The following LRRC34 variants were observed in gnomAD, a reference collection of about 807,000 sequenced individuals.
LRRC34 encodes the protein leucine-rich repeat-containing protein 34.
LRRC34 carries 44 observed loss-of-function variants against 48.5 expected under a neutral mutation model. That is an observed-to-expected ratio of 0.91 (90% CI 0.71 to 1.17). The LOEUF (loss-of-function observed/expected upper bound fraction) is 1.17. Ranked by LOEUF, LRRC34 falls within the 50% of genes most tolerant of loss-of-function variation. LRRC34 has a pLI of 0.00. For missense variants in LRRC34, 502 were observed against 563.0 expected, an observed-to-expected ratio of 0.89 and a Z score of 1.10; for synonymous variants, 192 against 197.6, an observed-to-expected ratio of 0.97 and a Z score of 0.24.
rs1778872951 is a variant in LRRC34, at chr3:169,793,602, CAA to C, written c.*31_*32del. The C allele has an allele frequency of 6.2e-6, 9 of 1,452,400 alleles. No homozygotes were observed. Among genetic ancestry groups the C allele is most frequent in the East Asian group, 4.5e-5 (2 of 44,008 alleles). 90.0% of individuals were successfully genotyped at this position (1,452,400 alleles called of 1,614,324 possible). A position where few individuals can be genotyped will look rare whatever the true frequency, so the allele number is the denominator to read the frequency against. On this transcript the variant is annotated 3_prime_UTR_variant, in exon 11 of 11. Coordinates refer to ENST00000446859, the MANE Select transcript of LRRC34 (RefSeq NM_001172779.2). ...TATTAATCTCTGTGAAACAATAAGA[CAA>C]GTGTATGAAAATTATTTTACAGCTA...
chr3:169,805,102 A>G (rs773193037), intron 5 of LRRC34, among the ~76,000 whole-genome samples: 21 of 152,216 alleles, frequency 1.4e-4, no homozygotes, highest in Non-Finnish European at 3.1e-4. Context: ...CAGGAAGAAG[A>G]AAAGGATGTC....
chr3:169,808,560 G>T, intron 2 of LRRC34, 68 bp downstream of exon 2: 1 of 867,188 alleles, frequency 1.2e-6, no homozygotes, highest in Non-Finnish European at 1.8e-6. Flanking sequence ...CACTCAATAT[G>T]TTAGGATTTT....
intron 5 of LRRC34, 140 bp from the exon 6 acceptor site, chr3:169,804,321 A>G: frequency 1.6e-6 from 1 of 644,062 alleles, no homozygotes; most frequent in South Asian, 3.3e-5. Flanking sequence ...TTTGAGACAG[A>G]GTCTCGCTCT....
In LRRC34 at chr3:169,812,207, CAAAGGGCGACCGGG is replaced by C. The variant is rs1779609883; in HGVS notation, c.139+189_139+202del. Among the ~76,000 whole-genome samples the C allele has an allele frequency of 6.6e-6, 1 of 151,528 alleles. No individual in the cohort carries two copies. Among genetic ancestry groups the C allele is most frequent in the Admixed American group, 6.6e-5 (1 of 15,222 alleles). On this transcript the variant is annotated intron_variant, in intron 1 of 10. Transcript: ENST00000446859. The surrounding 1 kb of genome is among the most constrained non-coding windows in gnomAD (Gnocchi z 4.3). The stretch of plus-strand genomic sequence containing the variant: ...TGGACTCCTCTCCTGCCCCCGGTCG[CAAAGGGCGACCGGG>C]GACTCTTCTCCTGCCCTCGTTTCTG...
intron 10 of LRRC34, 46 bp downstream of exon 10, chr3:169,795,439 T>A (rs1262355633): frequency 6.4e-7 from 1 of 1,560,006 alleles, no homozygotes; most frequent in Non-Finnish European, 8.7e-7. Flanking sequence ...GTTACAGAGA[T>A]GATCCCAGAA....
At chr3:169,807,803 T>A (rs1334471738) in intron 2 of LRRC34, 94 bp from the exon 3 acceptor site, 1 of 1,317,966 alleles carries the variant, frequency 7.6e-7, no homozygotes, top group African/African-American at 1.5e-5. Flanking sequence ...GTATAAATAG[T>A]CATATCACAG....
intron 7 of LRRC34, among the ~76,000 whole-genome samples, chr3:169,798,441 A>G (rs1260808163): frequency 1.3e-5 from 2 of 152,214 alleles, no homozygotes; most frequent in Non-Finnish European, 2.9e-5. Flanking sequence ...CCACGGTAAT[A>G]AAACAGTAAA....
intron 5 of LRRC34, among the ~76,000 whole-genome samples, chr3:169,806,359 T>C (rs1011820491): frequency 1.3e-5 from 2 of 152,150 alleles, no homozygotes; most frequent in Non-Finnish European, 2.9e-5. Context: ...AAGATGAACC[T>C]TGAAAACATT....
chr3:169,797,439 A>C (rs117229089), intron 7 of LRRC34, among the ~76,000 whole-genome samples: 2 of 152,246 alleles, frequency 1.3e-5, no homozygotes, highest in East Asian at 3.9e-4. Context: ...AAGAGGTTTT[A>C]TTCTTATTTT....
intron 10 of LRRC34, 177 bp from the exon 11 acceptor site, chr3:169,794,015 TTTAA>T (rs1163579341): frequency 1.9e-6 from 1 of 517,420 alleles, no homozygotes; most frequent in Admixed American, 3.7e-5. Context: ...TTTTTATTCA[TTTAA>T]TTACACAGAA....
In LRRC34 at chr3:169,796,500, A is replaced by G. The variant is rs555556409; in HGVS notation, c.909-131T>C. ...TTATTTTAACCACTTGATTTCCAAG[A>G]AAGTTAATGAAAATTCACCATAAAA... On this transcript the variant is annotated intron_variant, in intron 8 of 10. Transcript: ENST00000446859. The G allele has an allele frequency of 1.2e-3, 1,376 of 1,107,512 alleles. 1 individual carries two copies. The highest frequency in any genetic ancestry group is 1.6e-3 in the Non-Finnish European group (1,287 of 798,750). The allele number at this position is 1,107,512 out of a possible 1,614,324, so 68.6% of individuals were successfully genotyped here. A position where few individuals can be genotyped will look rare whatever the true frequency, so the allele number is the denominator to read the frequency against.
chr3:169,800,572 G>T, intron 7 of LRRC34, 87 bp downstream of exon 7: 1 of 696,004 alleles, frequency 1.4e-6, no homozygotes, highest in Non-Finnish European at 2.3e-6. Flanking sequence ...AAAATACAGT[G>T]TATTCATGTA....
intron 9 of LRRC34, 187 bp from the exon 10 acceptor site, chr3:169,795,798 C>A: frequency 7.9e-7 from 1 of 1,266,622 alleles, no homozygotes; most frequent in Admixed American, 3.8e-5. Context: ...CTTAGTAGAG[C>A]TAACTACATT....
Position 169,793,599 on chromosome 3 carries a change from A to C in LRRC34, c.*36T>G. ...GAATATTAATCTCTGTGAAACAATA[A>C]GACAAGTGTATGAAAATTATTTTAC... On this transcript the variant is annotated 3_prime_UTR_variant, in exon 11 of 11. Coordinates refer to ENST00000446859, the MANE Select transcript of LRRC34 (RefSeq NM_001172779.2). 7.0e-7 allele frequency: 1 copy of C among 1,434,388 alleles called. No homozygotes were observed. The highest frequency in any genetic ancestry group is 9.8e-7 in the Non-Finnish European group (1 of 1,025,634). 88.9% of individuals were successfully genotyped at this position (1,434,388 alleles called of 1,614,324 possible). A position where few individuals can be genotyped will look rare whatever the true frequency, so the allele number is the denominator to read the frequency against.
At chr3:169,803,074 C>A (rs1167523791) in intron 6 of LRRC34, among the ~76,000 whole-genome samples, 1 of 152,140 alleles carries the variant, frequency 6.6e-6, no homozygotes, top group Non-Finnish European at 1.5e-5. Flanking sequence ...TGAGGCTATA[C>A]AACAGGTTCC....
Position 169,804,148 on chromosome 3 carries a change from C to T in LRRC34, c.562G>A (p.Gly188Arg). Residue 188 changes from glycine (G) to arginine (R), a missense_variant, in exon 6 of 11, where the codon GGA becomes AGA. Gly to Arg is a moderately radical substitution (Grantham distance 125, BLOSUM62 -2). Transcript: ENST00000446859. The stretch of plus-strand genomic sequence containing the variant: ...CCACCTTTATTTTCAATTTTGTTTC[C>T]AGTCATTCTTAGGTATTTCAGAGTC... ...NRTLKYLRMT[G>R]NKIENKGGMF... 6.2e-7 allele frequency: 1 copy of T among 1,603,000 alleles called. No homozygotes were observed.
chr3:169,800,662 T>C lies in LRRC34; in HGVS notation c.750A>G (p.Glu250=), dbSNP rs1420238973. The C allele has an allele frequency of 6.6e-6, 10 of 1,523,912 alleles. No homozygotes were observed. Among genetic ancestry groups the C allele is most frequent in the Non-Finnish European group, 8.8e-6 (10 of 1,138,044 alleles). The allele number at this position is 1,523,912 out of a possible 1,614,324, so 94.4% of individuals were successfully genotyped here. ...INLNRPILYS[E]QEESTVHVGR... Reference sequence around the variant, plus strand: ...TACCATCACTTTGAATACATACCTGTTCACTGTACAGTATAGGTCGGTTTA... The same window carrying C: ...TACCATCACTTTGAATACATACCTGCTCACTGTACAGTATAGGTCGGTTTA... The change falls in exon 7 of 11, where the codon GAA becomes GAG. Residue 250 remains glutamate, a synonymous_variant. Transcript: ENST00000446859.
At position 169,796,736 on chromosome 3, in the gene LRRC34, A is replaced by G; in HGVS notation, c.908+9T>C. On this transcript the variant is annotated intron_variant, in intron 8 of 10. Coordinates refer to ENST00000446859, the MANE Select transcript of LRRC34 (RefSeq NM_001172779.2). ...ACTTTGAATTATTAATGTGTAAATT[A>G]TCACTTACCAGCTGACATCAAGGTA... is the stretch of plus-strand genomic sequence containing the variant. 6.2e-7 allele frequency: 1 copy of G among 1,600,902 alleles called. No homozygotes were observed. The highest frequency in any genetic ancestry group is 1.1e-5 in the South Asian group (1 of 87,710).
chr3:169,794,087 T>C, intron 10 of LRRC34: 1 of 324,854 alleles, frequency 3.1e-6, no homozygotes, highest in Non-Finnish European at 5.6e-6. Flanking sequence ...ACATGTTTTG[T>C]CATTTTGTGA....
Sources: allele counts gnomAD v4.1 joint callset (sites outside exome capture counted in the v4.1 genomes callset), GRCh38; gene constraint gnomAD v4.1.1; non-coding constraint Gnocchi (gnomAD v3.1); transcripts MANE v1.5; gene names NCBI Gene and HGNC (gene_info 2026-07-23, HGNC 2026-07-21).